RPS6KC1: variants seen among roughly 807,000 people sequenced by gnomAD.
The protein encoded by RPS6KC1 is ribosomal protein S6 kinase C1, also known as inactive ribosomal protein S6 kinase delta-1.
In RPS6KC1, 54 loss-of-function variants were observed where a neutral mutation model predicts 103.8. That is an observed-to-expected ratio of 0.52 (90% CI 0.42 to 0.65). RPS6KC1 has a LOEUF of 0.65. RPS6KC1 is among the 30% of genes least tolerant of loss of function. RPS6KC1 has a pLI of 0.00. For synonymous variants in RPS6KC1, 439 were observed against 438.7 expected, an observed-to-expected ratio of 1.00 and a Z score of -0.01; for missense variants, 1,151 against 1,253.8, an observed-to-expected ratio of 0.92 and a Z score of 1.24.
intron 8 of RPS6KC1, among the ~76,000 whole-genome samples, chr1:213,197,344 AATTGCACTGAATTTATAG>A (rs973036271): frequency 6.6e-6 from 1 of 152,016 alleles, no homozygotes; most frequent in African/African-American, 2.4e-5. Flanking sequence ...TTTTGGTGGG[AATTGCACTGAATTTATAG>A]ATTGCTTTTG....
the RPS6KC1 span, among the ~76,000 whole-genome samples, chr1:213,648,096 T>C: frequency 2.3e-4 from 35 of 152,284 alleles, no homozygotes; most frequent in African/African-American, 8.4e-4. Flanking sequence ...TATTATTTTT[T>C]TTCTATATGA....
At chr1:213,169,381 A>G (rs1340048847) in intron 7 of RPS6KC1, among the ~76,000 whole-genome samples, 1 of 152,210 alleles carries the variant, frequency 6.6e-6, no homozygotes, top group East Asian at 1.9e-4. Context: ...TTGCTCTAAC[A>G]TAATCTAACA....
chr1:213,616,683 A>G, the RPS6KC1 span, among the ~76,000 whole-genome samples: 5 of 152,202 alleles, frequency 3.3e-5, no homozygotes, highest in Non-Finnish European at 5.9e-5. Context: ...TAGCTACGTA[A>G]CATAGTGGCA....
At position 213,267,948 on chromosome 1, in the gene RPS6KC1, A is replaced by G. The variant is rs78134681; in HGVS notation, c.3091-4576A>G. 2.5e-3 allele frequency among the ~76,000 whole-genome samples: 380 copies of G among 152,100 alleles called. 7 individuals carry two copies. Among genetic ancestry groups the G allele is most frequent in the Non-Finnish European group, 4.0e-3 (272 of 67,920 alleles). ...ATGGAAATCTGTAAGACAATAGCAA[A>G]TGTACCAGTATACATATAATGATAG... On this transcript the variant is annotated intron_variant, in intron 14 of 14. Coordinates refer to ENST00000366960, the MANE Select transcript of RPS6KC1 (RefSeq NM_012424.6).
intron 1 of RPS6KC1, among the ~76,000 whole-genome samples, chr1:213,052,618 G>T (rs1307445142): frequency 6.6e-6 from 1 of 151,738 alleles, no homozygotes; most frequent in Non-Finnish European, 1.5e-5. Flanking sequence ...TCTGCTCACC[G>T]CAACCTCTGC....
chr1:213,780,914 TC>T, the RPS6KC1 span, among the ~76,000 whole-genome samples: 2 of 152,134 alleles, frequency 1.3e-5, no homozygotes, highest in African/African-American at 4.8e-5. Flanking sequence ...TCCCAGCTAC[TC>T]CAGAGGCTGA....
chr1:213,242,794 A>G, intron 12 of RPS6KC1, 136 bp downstream of exon 12: 1 of 641,402 alleles, frequency 1.6e-6, no homozygotes, highest in Non-Finnish European at 2.7e-6. Flanking sequence ...TTAACCCTTC[A>G]AAAAAGAAAA....
At chr1:213,105,314 C>T (rs900608718) in intron 4 of RPS6KC1, among the ~76,000 whole-genome samples, 178 of 144,036 alleles carry the variant, frequency 1.2e-3, no homozygotes, top group African/African-American at 3.3e-3. Context: ...TATTTAATTA[C>T]TACATTTTCC....
At chr1:213,429,206 AG>A in the RPS6KC1 span, 24,567 of 152,680 alleles carry the variant, frequency 0.16, 2,490 homozygotes, top group East Asian at 0.24. Context: ...GCTGGAGTGC[AG>A]TGGCACAGTC....
Position 213,125,411 on chromosome 1 carries a change from T to C in RPS6KC1, c.473-4116T>C, listed in dbSNP as rs568812626. ...TGTTATTGCCACATTTTTACTAATT[T>C]TTGTGATGGACAGATGGACATTCTT... On this transcript the variant is annotated intron_variant, in intron 5 of 14. Transcript: ENST00000366960. Among the ~76,000 whole-genome samples the C allele has an allele frequency of 5.9e-5, 9 of 152,230 alleles. No individual in the cohort carries two copies. The South Asian group carries it at 1.9e-3, about 32-fold the overall frequency.
the RPS6KC1 span, among the ~76,000 whole-genome samples, chr1:213,363,671 T>C: frequency 1.6e-4 from 16 of 100,692 alleles, 1 homozygote; most frequent in South Asian, 1.5e-3. Context: ...TCTTTCTTTC[T>C]TTCTTTCTTT....
chr1:213,623,406 T>G, the RPS6KC1 span, among the ~76,000 whole-genome samples: 59 of 152,268 alleles, frequency 3.9e-4, no homozygotes, highest in Admixed American at 3.5e-3. Context: ...AAATACCCAC[T>G]GAGCCTTACT....
the RPS6KC1 span, among the ~76,000 whole-genome samples, chr1:213,576,919 G>C: frequency 6.6e-6 from 1 of 152,198 alleles, no homozygotes; most frequent in Non-Finnish European, 1.5e-5. Flanking sequence ...ACATGTCAAT[G>C]ATAAGAAAGT....
At chr1:213,409,414 G>C in the RPS6KC1 span, among the ~76,000 whole-genome samples, 1 of 151,996 alleles carries the variant, frequency 6.6e-6, no homozygotes, top group Admixed American at 6.6e-5. Context: ...AGTTGGTTTT[G>C]GATGAAGACT....
At chr1:213,714,684 A>G in the RPS6KC1 span, among the ~76,000 whole-genome samples, 75 of 152,366 alleles carry the variant, frequency 4.9e-4, no homozygotes, top group East Asian at 0.013. Flanking sequence ...CAAAACAAGG[A>G]GGGCCCTATT....
chr1:213,151,977 G>T, intron 6 of RPS6KC1, among the ~76,000 whole-genome samples: 1 of 116,190 alleles, frequency 8.6e-6, no homozygotes, highest in African/African-American at 3.6e-5. Context: ...GGGCAGAGGG[G>T]CTCCTCACTT....
chr1:213,687,842 C>T, the RPS6KC1 span, among the ~76,000 whole-genome samples: 1 of 152,174 alleles, frequency 6.6e-6, no homozygotes. Context: ...TGGTTCACAC[C>T]AGCGTATGTG....
At chr1:213,623,316 C>A in the RPS6KC1 span, among the ~76,000 whole-genome samples, 1 of 152,202 alleles carries the variant, frequency 6.6e-6, no homozygotes, top group Admixed American at 6.5e-5. Flanking sequence ...GGGAGATTTG[C>A]GGAACCGTGT....
chr1:213,530,053 A>ATTG, the RPS6KC1 span, among the ~76,000 whole-genome samples: 12 of 151,152 alleles, frequency 7.9e-5, 1 homozygote, highest in Middle Eastern at 3.4e-3. Flanking sequence ...TATTATTATT[A>ATTG]TTATTATTAT....
Sources: allele counts gnomAD v4.1 joint callset (sites outside exome capture counted in the v4.1 genomes callset), GRCh38; gene constraint gnomAD v4.1.1; transcripts MANE v1.5; gene names NCBI Gene and HGNC (gene_info 2026-07-23, HGNC 2026-07-21).